Variants in GPM6A observed in about 807,000 individuals in gnomAD.
The protein encoded by GPM6A is glycoprotein M6A, also known as neuronal membrane glycoprotein M6-a.
In GPM6A, 7 loss-of-function variants were observed where a neutral mutation model predicts 32.1. That is an observed-to-expected ratio of 0.22 (90% CI 0.12 to 0.41). The LOEUF (loss-of-function observed/expected upper bound fraction) is 0.41. GPM6A is among the 10% of genes least tolerant of loss of function. GPM6A has a pLI of 1.00. For synonymous variants in GPM6A, 130 were observed against 123.4 expected (o/e 1.05, Z -0.35); for missense variants, 235 against 347.2 (o/e 0.68, Z 2.57).
At chr4:175,886,777 A>G (rs1737474046) in intron 1 of GPM6A, among the ~76,000 whole-genome samples, 1 of 151,670 alleles carries the variant, frequency 6.6e-6, no homozygotes, top group Non-Finnish European at 1.5e-5. Flanking sequence ...CAATAAGACA[A>G]CAGAAATAAA....
intron 1 of GPM6A, among the ~76,000 whole-genome samples, chr4:175,732,264 C>T (rs1468004835): frequency 6.6e-6 from 1 of 151,952 alleles, no homozygotes; most frequent in Non-Finnish European, 1.5e-5. Flanking sequence ...TGCACCCAGC[C>T]CACTTCCTCA....
intron 1 of GPM6A, among the ~76,000 whole-genome samples, chr4:175,976,032 C>CT (rs1303780406): frequency 1.8e-4 from 27 of 152,166 alleles, no homozygotes; most frequent in African/African-American, 6.5e-4. Flanking sequence ...GTGATTTAGA[C>CT]TGTCTTCTAA....
intron 1 of GPM6A, among the ~76,000 whole-genome samples, chr4:175,998,669 C>T (rs975069185): frequency 3.9e-5 from 6 of 152,146 alleles, no homozygotes; most frequent in Non-Finnish European, 7.4e-5. Context: ...TGACCTATCT[C>T]TCATCAATCT....
chr4:175,673,856 G>T lies in GPM6A; in HGVS notation c.231-20C>A. 1 of 1,550,812 alleles carries T rather than the reference G, an allele frequency of 6.4e-7. No individual in the cohort carries two copies. Among genetic ancestry groups the T allele is most frequent in the Non-Finnish European group, 8.8e-7 (1 of 1,130,062 alleles). ...TCAATCCTGAGAGAAAAGACAAAGT[G>T]ATTTATTTCAATAACTTTTCATTGC... is the stretch of plus-strand genomic sequence containing the variant. On this transcript the variant is annotated intron_variant, in intron 2 of 6. Transcript: ENST00000393658.
At chr4:175,836,841 C>T (rs1185659040) in intron 1 of GPM6A, among the ~76,000 whole-genome samples, 1 of 152,102 alleles carries the variant, frequency 6.6e-6, no homozygotes, top group Non-Finnish European at 1.5e-5. Flanking sequence ...TGACTTGAAA[C>T]TAAGGAGTGA....
Position 175,964,296 on chromosome 4 carries a change from AAACAAC to A in GPM6A, c.-23+38007_-23+38012del, listed in dbSNP as rs140794301. Reference sequence around the variant, plus strand: ...AACTCTATGTTGTCCAAAAACAAACAAACAACAACAACAACAACAACAACAAAACCC... The same window carrying A: ...AACTCTATGTTGTCCAAAAACAAACAAACAACAACAACAACAACAAAACCC... On this transcript the variant is annotated intron_variant, in intron 1 of 7. Coordinates refer to the GPM6A transcript ENST00000280187. 5.4e-4 allele frequency among the ~76,000 whole-genome samples: 82 copies of A among 151,388 alleles called. 1 individual carries two copies. The highest frequency in any genetic ancestry group is 2.7e-3 in the South Asian group (13 of 4,798).
Position 175,781,017 on chromosome 4 carries a change from G to A in GPM6A, c.37+31174C>T, listed in dbSNP as rs191877509. Among the ~76,000 whole-genome samples the A allele has an allele frequency of 9.9e-5, 15 of 152,018 alleles. 1 individual carries two copies. The highest frequency in any genetic ancestry group is 9.8e-4 in the Admixed American group (15 of 15,254). ...TATGATCCATCAATTAGAAGGGCAA[G>A]GTATCAGGAGAGGCAGGAAATGAAA... is the stretch of plus-strand genomic sequence containing the variant. On this transcript the variant is annotated intron_variant, in intron 1 of 6. Transcript: ENST00000393658.
At position 175,651,828 on chromosome 4, in the gene GPM6A, A is replaced by G. The variant is rs1741824721; in HGVS notation, c.541+6T>C. 6.2e-7 allele frequency: 1 copy of G among 1,610,086 alleles called. No homozygotes were observed. The highest frequency in any genetic ancestry group is 1.3e-5 in the African/African-American group (1 of 74,742). On this transcript the variant is annotated splice_donor_region_variant and intron_variant, in intron 4 of 6. Transcript: ENST00000393658. The stretch of plus-strand genomic sequence containing the variant: ...TTTACAGTTTAGAGATCCAATATCC[A>G]CTTACCAAACTGACGAAGGTCCAAG...
At chr4:175,891,196 G>A (rs969500697) in intron 1 of GPM6A, among the ~76,000 whole-genome samples, 9 of 152,110 alleles carry the variant, frequency 5.9e-5, no homozygotes, top group Admixed American at 2.6e-4. Flanking sequence ...CATATTAAAC[G>A]AAGGCAAACC....
chr4:175,931,616 C>A (rs1463754263), intron 1 of GPM6A, among the ~76,000 whole-genome samples: 1 of 150,780 alleles, frequency 6.6e-6, no homozygotes, highest in Non-Finnish European at 1.5e-5. Context: ...AAAAACTTTT[C>A]CAGATACACA....
At chr4:175,717,739 G>A (rs1745912415) in intron 1 of GPM6A, among the ~76,000 whole-genome samples, 1 of 152,148 alleles carries the variant, frequency 6.6e-6, no homozygotes, top group South Asian at 2.1e-4. Context: ...TCAAACTTAT[G>A]AGAATTACAC....
intron 1 of GPM6A, among the ~76,000 whole-genome samples, chr4:175,784,253 A>C (rs1733714908): frequency 6.6e-6 from 1 of 152,112 alleles, no homozygotes; most frequent in African/African-American, 2.4e-5. Flanking sequence ...TACAAAATAC[A>C]TGACTAGTAT....
chr4:175,688,234 T>C (rs1256381335), intron 2 of GPM6A, among the ~76,000 whole-genome samples: 1 of 152,196 alleles, frequency 6.6e-6, no homozygotes, highest in East Asian at 1.9e-4. Context: ...TTTGCTTTTG[T>C]GACCTATGAC....
At chr4:175,962,651 T>C (rs957403805) in intron 1 of GPM6A, among the ~76,000 whole-genome samples, 2 of 152,150 alleles carry the variant, frequency 1.3e-5, no homozygotes, top group Non-Finnish European at 2.9e-5. Flanking sequence ...TTTTAGCCTA[T>C]GGCACCTACA....
At chr4:175,769,404 A>C (rs1733100309) in intron 1 of GPM6A, among the ~76,000 whole-genome samples, 2 of 147,282 alleles carry the variant, frequency 1.4e-5, no homozygotes, top group African/African-American at 5.0e-5. Flanking sequence ...TTAAACACAA[A>C]GGCCTATCTG....
Position 175,854,866 on chromosome 4 carries a change from G to T in GPM6A, c.-22-42617C>A, listed in dbSNP as rs1181481073. 2.0e-5 allele frequency among the ~76,000 whole-genome samples: 3 copies of T among 152,184 alleles called. No individual in the cohort carries two copies. The East Asian group carries it at 5.8e-4, about 29-fold the overall frequency. On this transcript the variant is annotated intron_variant, in intron 1 of 7. Coordinates refer to the GPM6A transcript ENST00000280187. ...AAGAAACCTCAAGAAAGAACCACCT[G>T]AAAGGATTAAAAGGAATAGCACCAG...
chr4:175,726,012 T>TTTTA (rs1746387184), intron 1 of GPM6A, among the ~76,000 whole-genome samples: 2 of 149,832 alleles, frequency 1.3e-5, no homozygotes, highest in Non-Finnish European at 3.0e-5. Context: ...TTTTTTTTTT[T>TTTTA]AAGACGGAGT....
At chr4:175,850,918 T>C (rs1187794999) in intron 1 of GPM6A, among the ~76,000 whole-genome samples, 4 of 151,434 alleles carry the variant, frequency 2.6e-5, no homozygotes, top group Non-Finnish European at 5.9e-5. Context: ...TGTATATCTA[T>C]ATTATATATG....
At chr4:175,686,328 C>T (rs1743978805) in intron 2 of GPM6A, among the ~76,000 whole-genome samples, 1 of 152,204 alleles carries the variant, frequency 6.6e-6, no homozygotes, top group African/African-American at 2.4e-5. Flanking sequence ...GCAAATACTT[C>T]CTAATCCCTG....
Sources: gnomAD v4.1 joint callset for allele counts (sites outside exome capture counted in the v4.1 genomes callset) on GRCh38, gnomAD v4.1.1 for gene constraint, MANE v1.5 for transcripts, NCBI Gene and HGNC (gene_info 2026-07-23, HGNC 2026-07-21) for gene names.